Variants in SLC30A6 observed in about 807,000 individuals in gnomAD.
The protein encoded by SLC30A6 is solute carrier family 30 member 6.
SLC30A6 carries 55 observed loss-of-function variants against 63.0 expected under a neutral mutation model. The ratio of observed to expected loss-of-function variants is 0.87; its 90% CI spans 0.70 to 1.09. The LOEUF is 1.09. Ranked by LOEUF, SLC30A6 falls within the 50% of genes least tolerant of loss-of-function variation. SLC30A6 has a pLI of 0.00. For synonymous variants in SLC30A6, 224 were observed against 186.1 expected (o/e 1.20, Z -1.66); for missense variants, 587 against 549.2 (o/e 1.07, Z -0.69).
intron 5 of SLC30A6, among the ~76,000 whole-genome samples, chr2:32,189,414 C>T (rs990275299): frequency 4.0e-5 from 6 of 151,382 alleles, no homozygotes; most frequent in African/African-American, 1.5e-4. Context: ...GCCTCAGCCT[C>T]CTGAGTAGCT....
chr2:32,210,418 G>A (rs921351759), intron 13 of SLC30A6, among the ~76,000 whole-genome samples: 3 of 150,678 alleles, frequency 2.0e-5, no homozygotes, highest in Non-Finnish European at 4.4e-5. Context: ...GGGAGGCTGA[G>A]GCAGGAGAAT....
chr2:32,206,851 C>T (rs372538540), intron 11 of SLC30A6, 35 bp from the exon 12 acceptor site: 13 of 1,578,484 alleles, frequency 8.2e-6, no homozygotes, highest in Non-Finnish European at 1.1e-5. Context: ...TTTTTCCTTC[C>T]CCCATTATTC....
At chr2:32,175,383 A>C (rs374722496) in intron 4 of SLC30A6, 22 bp downstream of exon 4, 1 of 1,606,064 alleles carries the variant, frequency 6.2e-7, no homozygotes, top group South Asian at 1.1e-5. Context: ...GGAAATCTTA[A>C]TGTTTTGGAG....
intron 7 of SLC30A6, 89 bp downstream of exon 7, chr2:32,193,042 A>G: frequency 1.2e-6 from 1 of 829,544 alleles, no homozygotes; most frequent in South Asian, 1.9e-5. Flanking sequence ...GTCAGATTTC[A>G]GACTGTGGCA....
chr2:32,185,249 T>C (rs981021801), intron 5 of SLC30A6, among the ~76,000 whole-genome samples: 9 of 152,070 alleles, frequency 5.9e-5, no homozygotes, highest in Admixed American at 4.6e-4. Context: ...TGGTCCCAGC[T>C]GCTTGGGAAG....
chr2:32,202,977 A>G (rs553747382), intron 10 of SLC30A6: 193 of 1,143,168 alleles, frequency 1.7e-4, no homozygotes, highest in East Asian at 1.1e-3. Flanking sequence ...AGGGACGGCT[A>G]TTATTTTCTG....
intron 13 of SLC30A6, among the ~76,000 whole-genome samples, chr2:32,217,291 G>A (rs112157661): frequency 5.8e-4 from 88 of 152,254 alleles, no homozygotes; most frequent in African/African-American, 2.0e-3. Flanking sequence ...CATATGGCTA[G>A]CTAGCTATCC....
In SLC30A6 at chr2:32,214,385, A is replaced by AACT. The variant is rs1199517995; in HGVS notation, c.885+4827_885+4829dup. ...AATTGCCTTCTAGAATGCCTTTTAG[A>AACT]ACTACACACCTTGAGTCTTATGTTC... On this transcript the variant is annotated intron_variant, in intron 13 of 13. Transcript: ENST00000282587. The AACT allele has an allele frequency of 2.6e-5, 4 of 152,212 alleles. No individual in the cohort carries two copies. The South Asian group carries it at 8.3e-4, about 32-fold the overall frequency. The allele number at this position is 152,212 out of a possible 1,614,324, so 9.4% of individuals were successfully genotyped here.
chr2:32,207,692 A>ATTTTTTTT (rs34666891), intron 12 of SLC30A6, among the ~76,000 whole-genome samples: 1 of 54,440 alleles, frequency 1.8e-5, no homozygotes, highest in Non-Finnish European at 3.1e-5. Flanking sequence ...TAACTTCTGT[A>ATTTTTTTT]TTTTTTTTTT....
intron 2 of SLC30A6, among the ~76,000 whole-genome samples, chr2:32,173,176 A>G (rs989506557): frequency 6.6e-6 from 1 of 152,158 alleles, no homozygotes; most frequent in African/African-American, 2.4e-5. Flanking sequence ...TAGCAAACCT[A>G]CTTGAAAGAA....
intron 1 of SLC30A6, among the ~76,000 whole-genome samples, chr2:32,168,913 C>T (rs1680922027): frequency 6.6e-6 from 1 of 152,110 alleles, no homozygotes; most frequent in Admixed American, 6.6e-5. Context: ...AGTGATATGA[C>T]ATTAGGATTT....
intron 13 of SLC30A6, chr2:32,214,479 T>C (rs1451644970): frequency 2.0e-5 from 3 of 152,182 alleles, no homozygotes; most frequent in Non-Finnish European, 1.5e-5. Flanking sequence ...GCTTCATGAA[T>C]TTGCATGTCA....
chr2:32,173,284 C>T (rs1681398848), intron 2 of SLC30A6, among the ~76,000 whole-genome samples: 1 of 152,026 alleles, frequency 6.6e-6, no homozygotes, highest in South Asian at 2.1e-4. Flanking sequence ...ACAGCTTTTA[C>T]AAGGTAACCA....
chr2:32,206,813 G>A, intron 11 of SLC30A6, 73 bp from the exon 12 acceptor site: 1 of 1,136,914 alleles, frequency 8.8e-7, no homozygotes, highest in Non-Finnish European at 1.3e-6. Context: ...CTTTTGGGGA[G>A]GGGGTTCAGG....
chr2:32,208,341 G>A (rs111964005), intron 12 of SLC30A6, among the ~76,000 whole-genome samples: 1 of 151,752 alleles, frequency 6.6e-6, no homozygotes, highest in South Asian at 2.1e-4. Flanking sequence ...ATGTTGGCCA[G>A]GCTGGTCTCG....
chr2:32,222,606 C>T lies in SLC30A6; in HGVS notation c.*1893C>T, dbSNP rs1235535539. 6.6e-6 allele frequency: 1 copy of T among 152,176 alleles called. No individual in the cohort carries two copies. Among genetic ancestry groups the T allele is most frequent in the African/African-American group, 2.4e-5 (1 of 41,430 alleles). 9.4% of individuals were successfully genotyped at this position (152,176 alleles called of 1,614,324 possible). A position where few individuals can be genotyped will look rare whatever the true frequency, so the allele number is the denominator to read the frequency against. On this transcript the variant is annotated 3_prime_UTR_variant, in exon 14 of 14. Transcript: ENST00000282587. Reference sequence around the variant, plus strand: ...TCATTGTCTTTGGCATCTGCAACCCCTGTTCAGGCATGTGACCTGCTAAAG... The same window carrying T: ...TCATTGTCTTTGGCATCTGCAACCCTTGTTCAGGCATGTGACCTGCTAAAG...
intron 12 of SLC30A6, among the ~76,000 whole-genome samples, chr2:32,208,176 G>A (rs890319935): frequency 6.6e-6 from 1 of 150,462 alleles, no homozygotes; most frequent in African/African-American, 2.5e-5. Flanking sequence ...TATCACCCAG[G>A]CTGGGGTGCA....
Position 32,220,422 on chromosome 2 carries a change from G to A in SLC30A6, c.1095G>A (p.Lys365=), listed in dbSNP as rs1686068057. The change falls in exon 14 of 14, where the codon AAG becomes AAA. Residue 365 remains lysine, a synonymous_variant. Transcript: ENST00000282587. ...DHHVIPMPLL[K]GTDDLNPVTS... ...ACGTAATCCCAATGCCTCTTTTAAA[G>A]GGTACTGATGATTTGAACCCAGTTA... 2 of 1,614,042 alleles carry A rather than the reference G, an allele frequency of 1.2e-6. No homozygotes were observed. Among genetic ancestry groups the A allele is most frequent in the South Asian group, 2.2e-5 (2 of 91,084 alleles).
At chr2:32,189,853 A>G (rs1028023545) in intron 5 of SLC30A6, among the ~76,000 whole-genome samples, 1 of 151,668 alleles carries the variant, frequency 6.6e-6, no homozygotes, top group Non-Finnish European at 1.5e-5. Flanking sequence ...CGATCCTCCC[A>G]CACCCCGAGT....
Sources: allele counts gnomAD v4.1 joint callset (sites outside exome capture counted in the v4.1 genomes callset), GRCh38; gene constraint gnomAD v4.1.1; transcripts MANE v1.5; gene names NCBI Gene and HGNC (gene_info 2026-07-23, HGNC 2026-07-21).